Variants in SAMMSON observed in about 807,000 individuals in gnomAD.
The protein encoded by SAMMSON is long intergenic non-protein coding RNA 1212.
At chr3:70,193,234 A>G (rs1342166153) in intron 4 of SAMMSON, among the ~76,000 whole-genome samples, 2 of 152,124 alleles carry the variant, frequency 1.3e-5, no homozygotes, top group East Asian at 1.9e-4. Context: ...TCCCTGTAAT[A>G]TTAGGAGCAA....
intron 6 of SAMMSON, among the ~76,000 whole-genome samples, chr3:70,256,140 T>G (rs1559546355): frequency 6.6e-6 from 1 of 152,228 alleles, no homozygotes; most frequent in Non-Finnish European, 1.5e-5. Context: ...TCTATTGCTT[T>G]CCCCATGGTT....
chr3:70,319,443 T>C (rs1004419432), intron 7 of SAMMSON, among the ~76,000 whole-genome samples: 1 of 152,148 alleles, frequency 6.6e-6, no homozygotes, highest in East Asian at 1.9e-4. Flanking sequence ...GCAAGTCCAG[T>C]GTATTCTATC....
chr3:70,041,989 G>T (rs1244441220), intron 3 of SAMMSON, among the ~76,000 whole-genome samples: 1 of 152,128 alleles, frequency 6.6e-6, no homozygotes, highest in Non-Finnish European at 1.5e-5. Flanking sequence ...GGACTCTGGT[G>T]CATGATCAAT....
intron 9 of SAMMSON, among the ~76,000 whole-genome samples, chr3:70,367,760 T>C (rs1702932679): frequency 6.6e-6 from 1 of 151,698 alleles, no homozygotes; most frequent in Admixed American, 6.6e-5. Context: ...GATTGCTGGC[T>C]TACAAGATAG....
intron 9 of SAMMSON, among the ~76,000 whole-genome samples, chr3:70,373,821 A>G (rs1028672602): frequency 6.6e-6 from 1 of 152,042 alleles, no homozygotes; most frequent in Non-Finnish European, 1.5e-5. Context: ...TTTATATCTT[A>G]TCTTTCTCTG....
chr3:70,085,085 C>T (rs1009303153), intron 4 of SAMMSON, among the ~76,000 whole-genome samples: 7 of 152,108 alleles, frequency 4.6e-5, no homozygotes, highest in Non-Finnish European at 5.9e-5. Context: ...GTCAAGAGGT[C>T]ATATTAGGAA....
chr3:70,057,191 A>G (rs1026058339), intron 3 of SAMMSON, among the ~76,000 whole-genome samples: 6 of 152,106 alleles, frequency 3.9e-5, no homozygotes, highest in African/African-American at 1.2e-4. Flanking sequence ...AGAATGCAAA[A>G]TAAGTTTCGT....
chr3:70,185,435 G>A (rs1246025777), intron 4 of SAMMSON, among the ~76,000 whole-genome samples: 1 of 152,042 alleles, frequency 6.6e-6, no homozygotes, highest in Non-Finnish European at 1.5e-5. Context: ...GTCAGGTCTG[G>A]GGCCCAGAGC....
At chr3:70,154,164 G>A (rs1208251327) in intron 4 of SAMMSON, among the ~76,000 whole-genome samples, 1 of 151,696 alleles carries the variant, frequency 6.6e-6, no homozygotes, top group Non-Finnish European at 1.5e-5. Flanking sequence ...TCAGAAAAAT[G>A]TATTAATCCT....
At chr3:70,265,961 G>C (rs1415926059) in intron 6 of SAMMSON, among the ~76,000 whole-genome samples, 1 of 152,128 alleles carries the variant, frequency 6.6e-6, no homozygotes, top group East Asian at 1.9e-4. Flanking sequence ...CCCTTGACAC[G>C]TGTAAATTAT....
At chr3:70,036,008 A>G (rs748177141) in intron 3 of SAMMSON, among the ~76,000 whole-genome samples, 4 of 152,216 alleles carry the variant, frequency 2.6e-5, no homozygotes, top group Non-Finnish European at 4.4e-5. Context: ...ATAACATGTA[A>G]GTCCAAAGGT....
At chr3:70,410,316 C>G (rs566943880) in intron 2 of SAMMSON, among the ~76,000 whole-genome samples, 1 of 152,274 alleles carries the variant, frequency 6.6e-6, no homozygotes, top group African/African-American at 2.4e-5. Flanking sequence ...AAGATGACAC[C>G]TTGATTCTGG....
At chr3:70,230,769 G>T (rs1005471483) in intron 4 of SAMMSON, among the ~76,000 whole-genome samples, 2 of 152,172 alleles carry the variant, frequency 1.3e-5, no homozygotes, top group Non-Finnish European at 2.9e-5. Context: ...GAGTTTTAAA[G>T]GCAATGCTTC....
intron 6 of SAMMSON, among the ~76,000 whole-genome samples, chr3:70,288,242 G>A (rs1277499627): frequency 7.7e-6 from 1 of 130,110 alleles, no homozygotes; most frequent in South Asian, 3.3e-4. Flanking sequence ...GCATCCCAGA[G>A]ATTCTGGTAT....
intron 4 of SAMMSON, among the ~76,000 whole-genome samples, chr3:70,237,977 A>ATATTTTTTTTTT (rs1251005797): frequency 2.3e-4 from 3 of 13,008 alleles, no homozygotes; most frequent in Non-Finnish European, 4.3e-4. Flanking sequence ...ATTGAGTGGT[A>ATATTTTTTTTTT]TCTTTTTTTT....
At chr3:70,239,630 T>C (rs1701646913) in intron 4 of SAMMSON, among the ~76,000 whole-genome samples, 1 of 152,136 alleles carries the variant, frequency 6.6e-6, no homozygotes, top group South Asian at 2.1e-4. Context: ...GCTTAACATT[T>C]CTAGACCTCA....
At chr3:70,369,906 A>C (rs1426304827) in intron 9 of SAMMSON, among the ~76,000 whole-genome samples, 2 of 151,814 alleles carry the variant, frequency 1.3e-5, no homozygotes, top group Non-Finnish European at 3.0e-5. Context: ...GAACATTAGA[A>C]CTTATTCCTT....
rs535442110 is a variant in SAMMSON at position 70,417,826 on chromosome 3, T to A, written n.234-44734T>A. Among the ~76,000 whole-genome samples the A allele has an allele frequency of 8.9e-4, 136 of 152,250 alleles. No individual in the cohort carries two copies. The South Asian group carries it at 0.018, about 20-fold the overall frequency. On this transcript the variant is annotated intron_variant and non_coding_transcript_variant, in intron 2 of 3. Coordinates refer to the SAMMSON transcript ENST00000641053. The stretch of plus-strand genomic sequence containing the variant: ...CACAGACCCACTCCCAGGTTACAGG[T>A]CACCTGGGTTAAAGCCAGGCTGGGT...
intron 4 of SAMMSON, among the ~76,000 whole-genome samples, chr3:70,178,289 G>T (rs1036987245): frequency 4.6e-5 from 7 of 152,110 alleles, no homozygotes; most frequent in African/African-American, 1.7e-4. Context: ...TCTGCTCTAG[G>T]CTCTGATACA....
Sources: allele counts gnomAD v4.1 joint callset (sites outside exome capture counted in the v4.1 genomes callset), GRCh38; gene constraint gnomAD v4.1.1; transcripts MANE v1.5; gene names NCBI Gene and HGNC (gene_info 2026-07-23, HGNC 2026-07-21).